The following RASEF variants were observed in gnomAD, a reference collection of about 807,000 sequenced individuals.
The protein encoded by RASEF is RAS and EF-hand domain containing.
In RASEF, 68 loss-of-function variants were observed where a neutral mutation model predicts 90.1. The observed-to-expected ratio is 0.75, with a 90% confidence interval of 0.62 to 0.92. The LOEUF (loss-of-function observed/expected upper bound fraction) is 0.92. Ranked by LOEUF, RASEF falls within the 40% of genes least tolerant of loss-of-function variation. The probability of loss-of-function intolerance (pLI) is 0.00; values close to 1 mark genes in which losing one functional copy is unlikely to be tolerated. For missense variants in RASEF, 949 were observed against 937.2 expected (o/e 1.01, Z -0.16); for synonymous variants, 331 against 345.2 (o/e 0.96, Z 0.46).
the RASEF span, among the ~76,000 whole-genome samples, chr9:83,214,289 C>A: frequency 6.6e-6 from 1 of 152,092 alleles, no homozygotes; most frequent in African/African-American, 2.4e-5. Flanking sequence ...GAGACTGAGG[C>A]ATGAGAATTG....
chr9:83,016,663 C>T (rs1459510864), intron 3 of RASEF, among the ~76,000 whole-genome samples: 1 of 151,938 alleles, frequency 6.6e-6, no homozygotes, highest in Non-Finnish European at 1.5e-5. Context: ...CTGATGTTCT[C>T]AGGCATTCTA....
the RASEF span, among the ~76,000 whole-genome samples, chr9:83,205,496 C>CT: frequency 6.6e-6 from 1 of 152,166 alleles, no homozygotes; most frequent in African/African-American, 2.4e-5. Flanking sequence ...ACTGGTATTC[C>CT]TTTTCTCACC....
the RASEF span, among the ~76,000 whole-genome samples, chr9:83,121,526 C>T: frequency 6.6e-6 from 1 of 152,144 alleles, no homozygotes; most frequent in East Asian, 1.9e-4. Context: ...CAAAAATTCA[C>T]TAAAACGTAA....
chr9:83,104,627 C>A, the RASEF span, among the ~76,000 whole-genome samples: 14 of 137,006 alleles, frequency 1.0e-4, no homozygotes, highest in East Asian at 3.2e-3. Context: ...CCTTTTTCTT[C>A]CCATAAAAAG....
At chr9:83,109,507 G>T in the RASEF span, among the ~76,000 whole-genome samples, 1 of 152,134 alleles carries the variant, frequency 6.6e-6, no homozygotes, top group Admixed American at 6.6e-5. Flanking sequence ...ATTTAATGAG[G>T]ACATGGCATG....
intron 1 of RASEF, among the ~76,000 whole-genome samples, chr9:83,027,142 G>A (rs1347238965): frequency 6.6e-6 from 1 of 152,166 alleles, no homozygotes; most frequent in Non-Finnish European, 1.5e-5. Flanking sequence ...CTTTGGGCAA[G>A]GTATGGAAGC....
At chr9:83,189,809 C>T in the RASEF span, among the ~76,000 whole-genome samples, 1 of 152,152 alleles carries the variant, frequency 6.6e-6, no homozygotes, top group Non-Finnish European at 1.5e-5. Context: ...TACAGCCTGT[C>T]CCTTTGTTTC....
At chr9:83,006,895 C>T (rs1248301958) in intron 7 of RASEF, among the ~76,000 whole-genome samples, 1 of 151,938 alleles carries the variant, frequency 6.6e-6, no homozygotes, top group African/African-American at 2.4e-5. Flanking sequence ...AGATCGAGAC[C>T]ATCCTGGCTA....
At chr9:83,136,660 T>C in the RASEF span, among the ~76,000 whole-genome samples, 1 of 152,158 alleles carries the variant, frequency 6.6e-6, no homozygotes, top group African/African-American at 2.4e-5. Context: ...AGAGTTTATT[T>C]CACATATTTA....
intron 1 of RASEF, among the ~76,000 whole-genome samples, chr9:83,056,810 A>C (rs1368459145): frequency 4.6e-5 from 7 of 152,222 alleles, no homozygotes; most frequent in Non-Finnish European, 7.3e-5. Context: ...TTCTTTTTGC[A>C]CAAACCAGAA....
At chr9:83,127,313 GA>G in the RASEF span, among the ~76,000 whole-genome samples, 3 of 152,204 alleles carry the variant, frequency 2.0e-5, no homozygotes, top group African/African-American at 7.2e-5. Context: ...AGTCATAGTA[GA>G]AGGAGATGCT....
intron 1 of RASEF, chr9:83,048,425 C>CA: frequency 1.0e-6 from 1 of 985,306 alleles, no homozygotes; most frequent in Non-Finnish European, 1.2e-6. Context: ...TCACTGATGT[C>CA]ATCACCTTCT....
chr9:83,033,706 T>C (rs1401340402), intron 1 of RASEF, among the ~76,000 whole-genome samples: 1 of 152,174 alleles, frequency 6.6e-6, no homozygotes, highest in Non-Finnish European at 1.5e-5. Context: ...TTGAAATAAA[T>C]GTGCAGAGAT....
the RASEF span, among the ~76,000 whole-genome samples, chr9:83,075,897 C>T: frequency 2.9e-3 from 440 of 152,092 alleles, 3 homozygotes; most frequent in African/African-American, 1.0e-2. Context: ...CGGCAGGGCA[C>T]GGTGGCTCAC....
At chr9:83,196,909 C>T in the RASEF span, among the ~76,000 whole-genome samples, 3 of 152,230 alleles carry the variant, frequency 2.0e-5, no homozygotes, top group African/African-American at 7.2e-5. Flanking sequence ...CTTTACCCAA[C>T]ACTTGGAACC....
chr9:83,213,201 A>T, the RASEF span, among the ~76,000 whole-genome samples: 3 of 151,894 alleles, frequency 2.0e-5, no homozygotes, highest in African/African-American at 7.3e-5. Flanking sequence ...GGAGTTCGAG[A>T]CCAGCCTGGC....
At chr9:83,176,260 A>G in the RASEF span, among the ~76,000 whole-genome samples, 4 of 152,160 alleles carry the variant, frequency 2.6e-5, no homozygotes, top group African/African-American at 4.8e-5. Flanking sequence ...CTTGCTGTCT[A>G]CTAATGTTTC....
chr9:83,046,707 TTC>T (rs757056338), intron 1 of RASEF, among the ~76,000 whole-genome samples: 5 of 152,182 alleles, frequency 3.3e-5, no homozygotes, highest in Non-Finnish European at 7.3e-5. Flanking sequence ...CAGACTGTAA[TTC>T]TGTTTGATAG....
the RASEF span, among the ~76,000 whole-genome samples, chr9:83,116,525 T>C: frequency 6.6e-6 from 1 of 152,144 alleles, no homozygotes; most frequent in Non-Finnish European, 1.5e-5. Context: ...GCTACAGGGA[T>C]TCAGAGAAGG....
Sources: allele counts gnomAD v4.1 joint callset (sites outside exome capture counted in the v4.1 genomes callset), GRCh38; gene constraint gnomAD v4.1.1; transcripts MANE v1.5; gene names NCBI Gene and HGNC (gene_info 2026-07-23, HGNC 2026-07-21).